CNTNAP2: variants seen among roughly 807,000 people sequenced by gnomAD.
CNTNAP2 encodes the protein contactin associated protein 2.
A neutral mutation model predicts 155.2 loss-of-function variants in CNTNAP2; 98 were observed. That is an observed-to-expected ratio of 0.63 (90% CI 0.54 to 0.75). The LOEUF (loss-of-function observed/expected upper bound fraction) is 0.75, where lower values mean the gene tolerates loss of function less well. Among genes scored for constraint, CNTNAP2 ranks in the 30% least tolerant of loss-of-function variants. The pLI is 0.00. For missense variants in CNTNAP2, 1,727 were observed against 1,688.1 expected (o/e 1.02, Z -0.40); for synonymous variants, 651 against 631.2 (o/e 1.03, Z -0.47).
intron 11 of CNTNAP2, among the ~76,000 whole-genome samples, chr7:147,527,033 TTTTTTTTTTG>T: frequency 7.1e-6 from 1 of 141,202 alleles, no homozygotes. Context: ...TTTTTTTTTT[TTTTTTTTTTG>T]ATGGAGTCTT....
intron 23 of CNTNAP2, 22 bp from the exon 24 acceptor site, chr7:148,415,395 G>A (rs374082668): frequency 1.2e-5 from 19 of 1,611,012 alleles, no homozygotes; most frequent in Admixed American, 3.3e-5. Flanking sequence ...CTAACCTCTC[G>A]TGCTTCTCCT....
intron 1 of CNTNAP2, among the ~76,000 whole-genome samples, chr7:146,383,507 G>C (rs189912349): frequency 7.6e-4 from 115 of 152,066 alleles, no homozygotes; most frequent in South Asian, 7.1e-3. Context: ...AAAAAATTCA[G>C]CTACATGATT....
intron 1 of CNTNAP2, among the ~76,000 whole-genome samples, chr7:146,635,946 C>T (rs1799590739): frequency 6.6e-6 from 1 of 152,110 alleles, no homozygotes; most frequent in African/African-American, 2.4e-5. Context: ...GTTCCAGTGG[C>T]AAGTGAATGG....
At chr7:147,710,180 A>G (rs899172840) in intron 13 of CNTNAP2, among the ~76,000 whole-genome samples, 1 of 152,186 alleles carries the variant, frequency 6.6e-6, no homozygotes, top group Non-Finnish European at 1.5e-5. Context: ...GAGTTCCTGT[A>G]AATTACATTT....
intron 9 of CNTNAP2, among the ~76,000 whole-genome samples, chr7:147,367,058 C>G (rs187872929): frequency 6.6e-6 from 1 of 152,180 alleles, no homozygotes; most frequent in African/African-American, 2.4e-5. Flanking sequence ...AGTTCACAAC[C>G]AGCCTGGATG....
rs866155713 is a variant in CNTNAP2, at chr7:148,229,841, T to A, written c.3381+62T>A. On this transcript the variant is annotated intron_variant, in intron 20 of 23. Transcript: ENST00000361727. Reference sequence around the variant, plus strand: ...CGCATTATAGTCCCTGTCCCTATAATGCTTGGCCATTGGTTTTGTTTTGAG... The same window carrying A: ...CGCATTATAGTCCCTGTCCCTATAAAGCTTGGCCATTGGTTTTGTTTTGAG... 2.6e-4 allele frequency: 410 copies of A among 1,599,752 alleles called. 2 individuals are homozygous for A. In the Middle Eastern group the frequency reaches 8.3e-3, roughly 32 times the overall value.
chr7:146,928,633 C>T (rs989913519), intron 3 of CNTNAP2, among the ~76,000 whole-genome samples: 1 of 152,198 alleles, frequency 6.6e-6, no homozygotes, highest in African/African-American at 2.4e-5. Flanking sequence ...CAGGGCGAGG[C>T]ATTGCCTCAC....
intron 9 of CNTNAP2, among the ~76,000 whole-genome samples, chr7:147,368,936 A>C (rs1372861427): frequency 6.6e-6 from 1 of 152,200 alleles, no homozygotes; most frequent in African/African-American, 2.4e-5. Flanking sequence ...ACAGTTATTG[A>C]AATGTAAATC....
chr7:146,338,194 A>G (rs1801312716), intron 1 of CNTNAP2, among the ~76,000 whole-genome samples: 2 of 152,120 alleles, frequency 1.3e-5, no homozygotes, highest in Admixed American at 1.3e-4. Flanking sequence ...CAAAGTACAC[A>G]CATATATTTC....
intron 1 of CNTNAP2, among the ~76,000 whole-genome samples, chr7:146,714,300 A>G (rs1801149890): frequency 6.6e-6 from 1 of 152,232 alleles, no homozygotes; most frequent in East Asian, 1.9e-4. Context: ...TTCACTGCTT[A>G]CATTTCCACT....
At chr7:147,730,463 A>G (rs1159733550) in intron 13 of CNTNAP2, among the ~76,000 whole-genome samples, 2 of 152,066 alleles carry the variant, frequency 1.3e-5, no homozygotes, top group Non-Finnish European at 2.9e-5. Context: ...GTGATTTGTG[A>G]TCAGTGACCT....
At chr7:146,646,499 A>G (rs923697273) in intron 1 of CNTNAP2, among the ~76,000 whole-genome samples, 1 of 152,222 alleles carries the variant, frequency 6.6e-6, no homozygotes, top group African/African-American at 2.4e-5. Context: ...TACATAACAT[A>G]AATATACATT....
intron 1 of CNTNAP2, among the ~76,000 whole-genome samples, chr7:146,620,496 G>C (rs1799299048): frequency 6.6e-6 from 1 of 152,112 alleles, no homozygotes; most frequent in African/African-American, 2.4e-5. Flanking sequence ...TTGTGACTGA[G>C]GGAGGTTAAT....
At chr7:147,031,391 A>T (rs1413406945) in intron 3 of CNTNAP2, among the ~76,000 whole-genome samples, 1 of 152,234 alleles carries the variant, frequency 6.6e-6, no homozygotes, top group African/African-American at 2.4e-5. Flanking sequence ...TCTCCTAGGC[A>T]TTTGTAACAA....
At chr7:147,594,365 C>T (rs963913914) in intron 12 of CNTNAP2, among the ~76,000 whole-genome samples, 6 of 152,098 alleles carry the variant, frequency 3.9e-5, no homozygotes, top group Non-Finnish European at 8.8e-5. Flanking sequence ...TGCGTGGTGG[C>T]AGGAGAAGTT....
chr7:146,898,520 CTCTT>C (rs1310071590), intron 3 of CNTNAP2, among the ~76,000 whole-genome samples: 13 of 150,864 alleles, frequency 8.6e-5, no homozygotes, highest in Non-Finnish European at 1.2e-4. Context: ...AAAAAAAAAA[CTCTT>C]CTTACTGCCT....
At chr7:146,191,295 T>G (rs1798701340) in intron 1 of CNTNAP2, among the ~76,000 whole-genome samples, 1 of 152,086 alleles carries the variant, frequency 6.6e-6, no homozygotes, top group Admixed American at 6.5e-5. Context: ...CCAGCAAGTT[T>G]GTATTAGTGA....
chr7:147,084,551 TATA>T (rs996557734), intron 4 of CNTNAP2, among the ~76,000 whole-genome samples: 66 of 145,422 alleles, frequency 4.5e-4, no homozygotes, highest in East Asian at 1.6e-3. Context: ...TATATAATAA[TATA>T]ATAATATATA....
chr7:147,784,051 T>G (rs1293012720), intron 13 of CNTNAP2, among the ~76,000 whole-genome samples: 1 of 152,070 alleles, frequency 6.6e-6, no homozygotes, highest in African/African-American at 2.4e-5. Context: ...TTCCTTGATT[T>G]GTAGATGCAT....
Sources: gnomAD v4.1 joint callset for allele counts (sites outside exome capture counted in the v4.1 genomes callset) on GRCh38, gnomAD v4.1.1 for gene constraint, MANE v1.5 for transcripts, NCBI Gene and HGNC (gene_info 2026-07-23, HGNC 2026-07-21) for gene names.